Variants in CALN1 observed in about 807,000 individuals in gnomAD.
CALN1 encodes calcium-binding protein 8.
Under a neutral mutation model 30.6 loss-of-function variants are expected in CALN1, and 17 were observed. The ratio of observed to expected loss-of-function variants is 0.56; its 90% confidence interval spans 0.38 to 0.83. The LOEUF (loss-of-function observed/expected upper bound fraction) is 0.83. CALN1 is among the 40% of genes least tolerant of loss of function. The pLI, the probability that CALN1 is intolerant of heterozygous loss-of-function variation, is 0.00. For synonymous variants in CALN1, 156 were observed against 131.4 expected (o/e 1.19, Z -1.28); for missense variants, 291 against 354.9 (o/e 0.82, Z 1.45).
intron 4 of CALN1, among the ~76,000 whole-genome samples, chr7:72,053,797 C>T (rs1319757821): frequency 6.6e-6 from 1 of 151,468 alleles, no homozygotes; most frequent in African/African-American, 2.4e-5. Flanking sequence ...CCCTCCCACC[C>T]TTCCCCCCAG....
At chr7:71,996,539 A>C (rs1799262042) in intron 5 of CALN1, among the ~76,000 whole-genome samples, 1 of 152,226 alleles carries the variant, frequency 6.6e-6, no homozygotes. Context: ...AGCTCCAGCT[A>C]TGTCCCTGCA....
At position 71,790,116 on chromosome 7, in the gene CALN1, GAGAGAGAAGAA is replaced by G. The variant is rs1223374562; in HGVS notation, c.659-2225_659-2215del. Among the ~76,000 whole-genome samples the G allele has an allele frequency of 2.2e-3, 280 of 128,396 alleles. 1 individual carries two copies. The highest frequency in any genetic ancestry group is 2.1e-3 in the Non-Finnish European group (129 of 60,384). The allele number at this position is 128,396 out of a possible 152,430, so 84.2% of individuals were successfully genotyped here. On this transcript the variant is annotated intron_variant, in intron 6 of 6. Coordinates refer to ENST00000395275, the MANE Select transcript of CALN1 (RefSeq NM_031468.4). Reference sequence around the variant, plus strand: ...AGTGAGACCCTGCAGGAGAGAGAGAGAGAGAGAAGAAAGAAGAAAGAAGAAAGAAAGAAGAA... The same window carrying G: ...AGTGAGACCCTGCAGGAGAGAGAGAGAGAAGAAAGAAGAAAGAAAGAAGAA...
chr7:72,065,586 C>G (rs1384289108), intron 4 of CALN1, among the ~76,000 whole-genome samples: 1 of 152,074 alleles, frequency 6.6e-6, no homozygotes, highest in East Asian at 1.9e-4. Context: ...TTCTGGAGTC[C>G]CATTGAGATC....
chr7:72,000,115 C>T (rs139265574), intron 5 of CALN1, among the ~76,000 whole-genome samples: 53 of 151,260 alleles, frequency 3.5e-4, no homozygotes, highest in African/African-American at 1.3e-3. Flanking sequence ...TCTCAAGAAA[C>T]TAAAAAAAGA....
At position 71,783,187 on chromosome 7, in the gene CALN1, T is replaced by G. The variant is rs1584195565; in HGVS notation, c.*4588A>C. On this transcript the variant is annotated 3_prime_UTR_variant, in exon 7 of 7. Coordinates refer to ENST00000395275, the MANE Select transcript of CALN1 (RefSeq NM_031468.4). ...CCATGGGGATCACTGAAGAGGCCAATGAGAATGTTCTGATTTGAGGTCTTT... is the reference window on the plus strand; with the variant it reads ...CCATGGGGATCACTGAAGAGGCCAAGGAGAATGTTCTGATTTGAGGTCTTT... 6.6e-6 allele frequency: 1 copy of G among 152,156 alleles called. No homozygotes were observed. Among genetic ancestry groups the G allele is most frequent in the African/African-American group, 2.4e-5 (1 of 41,410 alleles). The allele number at this position is 152,156 out of a possible 1,614,324, so 9.4% of individuals were successfully genotyped here.
intron 1 of CALN1, among the ~76,000 whole-genome samples, chr7:72,445,044 C>A (rs1808481133): frequency 6.8e-6 from 1 of 146,720 alleles, no homozygotes; most frequent in Non-Finnish European, 1.5e-5. Flanking sequence ...AGCCAGCAGC[C>A]ATCAGTGAAT....
chr7:71,780,717 A>C lies in CALN1; in HGVS notation c.*7058T>G, dbSNP rs555914361. On this transcript the variant is annotated 3_prime_UTR_variant, in exon 7 of 7. Coordinates refer to ENST00000395275, the MANE Select transcript of CALN1 (RefSeq NM_031468.4). ...GGCCAGAAAAAAAAAAAAGCAAAGA[A>C]AGAAATAACTGGAAATTGTGCTCTT... 1 of 152,180 alleles carries C rather than the reference A, an allele frequency of 6.6e-6. No homozygotes were observed. Among genetic ancestry groups the C allele is most frequent in the Non-Finnish European group, 1.5e-5 (1 of 67,998 alleles). The allele number at this position is 152,180 out of a possible 1,614,324, so 9.4% of individuals were successfully genotyped here.
chr7:72,047,313 G>A (rs4997672), intron 4 of CALN1, among the ~76,000 whole-genome samples: 24,203 of 152,114 alleles, frequency 0.16, 2,323 homozygotes, highest in Middle Eastern at 0.23. Context: ...AAACAGGAAC[G>A]GAAGGAGGCT....
chr7:72,156,579 G>A (rs1385079216), intron 3 of CALN1, among the ~76,000 whole-genome samples: 1 of 152,172 alleles, frequency 6.6e-6, no homozygotes, highest in Non-Finnish European at 1.5e-5. Context: ...CTTGGGGAAG[G>A]GCCCCATGAG....
At chr7:72,116,735 C>G (rs1169939688) in intron 3 of CALN1, among the ~76,000 whole-genome samples, 3 of 152,072 alleles carry the variant, frequency 2.0e-5, no homozygotes, top group Non-Finnish European at 1.5e-5. Context: ...ATTACCCAGC[C>G]CAGATTCACC....
chr7:72,203,361 A>T (rs575039384), intron 3 of CALN1, among the ~76,000 whole-genome samples: 5 of 151,734 alleles, frequency 3.3e-5, no homozygotes, highest in South Asian at 2.1e-4. Flanking sequence ...ATAAAAAATT[A>T]AAAAATCACC....
At chr7:71,807,218 C>T (rs1222410836) in intron 6 of CALN1, among the ~76,000 whole-genome samples, 3 of 152,066 alleles carry the variant, frequency 2.0e-5, no homozygotes, top group African/African-American at 4.8e-5. Context: ...AACGGGCCCC[C>T]GTTTGTGGAT....
chr7:72,058,776 A>C (rs548023613), intron 4 of CALN1, among the ~76,000 whole-genome samples: 62 of 152,330 alleles, frequency 4.1e-4, no homozygotes, highest in African/African-American at 1.2e-3. Context: ...CCTTTGCCCC[A>C]TATAGATCAT....
the CALN1 span, among the ~76,000 whole-genome samples, chr7:72,476,146 A>T: frequency 6.6e-6 from 1 of 151,894 alleles, no homozygotes; most frequent in Non-Finnish European, 1.5e-5. Flanking sequence ...ACCAGGACTC[A>T]CCATGTTGGC....
intron 3 of CALN1, among the ~76,000 whole-genome samples, chr7:72,178,776 T>G (rs1789554138): frequency 6.6e-6 from 1 of 152,188 alleles, no homozygotes; most frequent in Non-Finnish European, 1.5e-5. Context: ...ATATTGTAGA[T>G]GTCTATTTCA....
intron 5 of CALN1, among the ~76,000 whole-genome samples, chr7:71,923,516 A>G (rs1422247627): frequency 1.3e-5 from 2 of 152,174 alleles, no homozygotes; most frequent in African/African-American, 4.8e-5. Context: ...GTCTCACTCT[A>G]TTATTCCAAA....
intron 3 of CALN1, among the ~76,000 whole-genome samples, chr7:72,154,144 G>C (rs1787478677): frequency 6.6e-6 from 1 of 151,786 alleles, no homozygotes; most frequent in Non-Finnish European, 1.5e-5. Context: ...TGGGAAAATA[G>C]AAATGGCTTC....
intron 5 of CALN1, among the ~76,000 whole-genome samples, chr7:72,002,058 CA>C (rs1799552764): frequency 6.6e-6 from 1 of 152,056 alleles, no homozygotes; most frequent in Non-Finnish European, 1.5e-5. Flanking sequence ...AGAACAACTA[CA>C]AAAATTCTAC....
intron 3 of CALN1, among the ~76,000 whole-genome samples, chr7:72,149,834 C>A (rs774215815): frequency 1.2e-4 from 18 of 152,206 alleles, no homozygotes; most frequent in Middle Eastern, 3.4e-3. Context: ...CCAGGACAGG[C>A]CAGGCACCGT....
Sources: allele counts gnomAD v4.1 joint callset (sites outside exome capture counted in the v4.1 genomes callset), GRCh38; gene constraint gnomAD v4.1.1; transcripts MANE v1.5; gene names NCBI Gene and HGNC (gene_info 2026-07-23, HGNC 2026-07-21).